The following ZNF704 variants were observed in gnomAD, a reference collection of about 807,000 sequenced individuals.
The protein encoded by ZNF704 is glucocorticoid induced gene 1.
In ZNF704, 10 loss-of-function variants were observed where a neutral mutation model predicts 44.7. The ratio of observed to expected loss-of-function variants is 0.22; its 90% CI spans 0.14 to 0.38. The LOEUF (loss-of-function observed/expected upper bound fraction) is 0.38. Among genes scored for constraint, ZNF704 ranks in the 10% least tolerant of loss-of-function variants. ZNF704 has a pLI of 1.00. For synonymous variants in ZNF704, 211 were observed against 207.6 expected (o/e 1.02, Z -0.14); for missense variants, 390 against 545.5 (o/e 0.71, Z 2.84).
intron 2 of ZNF704, among the ~76,000 whole-genome samples, chr8:80,813,029 C>T (rs1375089503): frequency 2.0e-5 from 3 of 152,306 alleles, no homozygotes; most frequent in East Asian, 3.9e-4. Flanking sequence ...TCTGCAGAGG[C>T]AACCTACGGC....
Position 80,640,602 on chromosome 8 carries a change from GA to G in ZNF704, c.*763del, listed in dbSNP as rs986254488. 4 of 152,192 alleles carry G rather than the reference GA, an allele frequency of 2.6e-5. No homozygotes were observed. The highest frequency in any genetic ancestry group is 9.7e-5 in the African/African-American group (4 of 41,438). 9.4% of individuals were successfully genotyped at this position (152,192 alleles called of 1,614,324 possible). A position where few individuals can be genotyped will look rare whatever the true frequency, so the allele number is the denominator to read the frequency against. On this transcript the variant is annotated 3_prime_UTR_variant, in exon 9 of 9. Coordinates refer to ENST00000327835, the MANE Select transcript of ZNF704 (RefSeq NM_001033723.3). ...AGAGTTAGCTGTGCTGCCTTTAGGG[GA>G]AGAGCTTCTTATGGATCCAAGGAAG...
chr8:80,769,826 C>T (rs1419890413), intron 2 of ZNF704, among the ~76,000 whole-genome samples: 2 of 152,166 alleles, frequency 1.3e-5, no homozygotes, highest in East Asian at 1.9e-4. Context: ...GGTATCTTTT[C>T]AGCAGTGCCC....
intron 6 of ZNF704, among the ~76,000 whole-genome samples, chr8:80,663,604 T>C (rs1021786489): frequency 2.6e-5 from 4 of 152,114 alleles, no homozygotes; most frequent in Non-Finnish European, 4.4e-5. Flanking sequence ...CACTGTTGAT[T>C]TGGGGAACAT....
intron 8 of ZNF704, 100 bp from the exon 9 acceptor site, chr8:80,641,577 A>G: frequency 9.1e-6 from 6 of 661,758 alleles, no homozygotes; most frequent in Non-Finnish European, 1.4e-5. Context: ...AGGAAAAAAA[A>G]AAAAAAAAGG....
intron 2 of ZNF704, among the ~76,000 whole-genome samples, chr8:80,727,270 T>G (rs1170380297): frequency 1.3e-5 from 2 of 152,148 alleles, no homozygotes; most frequent in Admixed American, 1.3e-4. Flanking sequence ...GGGCCAGACT[T>G]ACGATCGGCT....
intron 2 of ZNF704, among the ~76,000 whole-genome samples, chr8:80,729,450 G>A (rs1011572209): frequency 2.0e-5 from 3 of 152,110 alleles, no homozygotes; most frequent in Admixed American, 6.5e-5. Context: ...ACTGCCTGGC[G>A]TGCAGAAGGA....
intron 2 of ZNF704, among the ~76,000 whole-genome samples, chr8:80,716,286 G>A (rs982867438): frequency 4.6e-5 from 7 of 152,180 alleles, no homozygotes; most frequent in African/African-American, 1.7e-4. Flanking sequence ...AGGCCTTGGT[G>A]CTCACAGGTC....
At chr8:80,659,857 A>G (rs1415379147) in intron 6 of ZNF704, among the ~76,000 whole-genome samples, 168 bp from the exon 7 acceptor site, 3 of 152,208 alleles carry the variant, frequency 2.0e-5, no homozygotes, top group Admixed American at 2.0e-4. Context: ...GTAGCCAGAA[A>G]TAAACTTTGT....
At chr8:80,709,232 C>G (rs577561560) in intron 2 of ZNF704, among the ~76,000 whole-genome samples, 1 of 151,910 alleles carries the variant, frequency 6.6e-6, no homozygotes, top group East Asian at 1.9e-4. Flanking sequence ...ATCACGAGGT[C>G]AGGAGATCAA....
intron 1 of ZNF704, among the ~76,000 whole-genome samples, chr8:80,822,304 A>T (rs1808288843): frequency 7.7e-6 from 1 of 129,588 alleles, no homozygotes; most frequent in Admixed American, 7.9e-5. Context: ...CCGGTGTATG[A>T]TGTTCCCCAC....
intron 2 of ZNF704, among the ~76,000 whole-genome samples, chr8:80,712,183 G>A (rs1483115952): frequency 6.6e-6 from 1 of 152,156 alleles, no homozygotes; most frequent in Non-Finnish European, 1.5e-5. Flanking sequence ...TGAGGAAAAG[G>A]ACGAGTTTGG....
chr8:80,654,889 C>T (rs1563506784), intron 7 of ZNF704, among the ~76,000 whole-genome samples: 1 of 152,286 alleles, frequency 6.6e-6, no homozygotes, highest in African/African-American at 2.4e-5. Context: ...GACACATGCA[C>T]ACGTATGTTT....
rs144764433 is a variant in ZNF704 at position 80,682,010 on chromosome 8, T to A, written c.558+5216A>T. On this transcript the variant is annotated intron_variant, in intron 4 of 8. Coordinates refer to ENST00000327835, the MANE Select transcript of ZNF704 (RefSeq NM_001033723.3). ...GTATGTACCATCACCATGAAATCCA[T>A]GCAGTTGATCCAAGCTGCTGTTCTT... Among the ~76,000 whole-genome samples, 16 of 152,332 alleles carry A rather than the reference T, an allele frequency of 1.1e-4. No individual in the cohort carries two copies. The East Asian group carries it at 3.1e-3, about 29-fold the overall frequency.
intron 1 of ZNF704, among the ~76,000 whole-genome samples, chr8:80,842,564 T>C (rs1808699219): frequency 6.6e-6 from 1 of 152,036 alleles, no homozygotes; most frequent in South Asian, 2.1e-4. Context: ...CCAGCAGCAG[T>C]GAGAGACAGG....
rs1160787170 is a variant in ZNF704 at position 80,631,656 on chromosome 8, G to C, written c.*9710C>G. The C allele has an allele frequency of 6.6e-6, 1 of 152,232 alleles. No homozygotes were observed. Among genetic ancestry groups the C allele is most frequent in the African/African-American group, 2.4e-5 (1 of 41,466 alleles). 9.4% of individuals were successfully genotyped at this position (152,232 alleles called of 1,614,324 possible). On this transcript the variant is annotated 3_prime_UTR_variant, in exon 9 of 9. Transcript: ENST00000327835. Reference sequence around the variant, plus strand: ...GTTGGTGACTTGCACGGCGGGCTTTGAGGCACAGTGAAAGGATTAGCTATC... The same window carrying C: ...GTTGGTGACTTGCACGGCGGGCTTTCAGGCACAGTGAAAGGATTAGCTATC...
At chr8:80,790,923 G>A (rs1352331725) in intron 2 of ZNF704, among the ~76,000 whole-genome samples, 1 of 152,124 alleles carries the variant, frequency 6.6e-6, no homozygotes, top group Admixed American at 6.6e-5. Context: ...TGAAAACGGT[G>A]GAAGAAAATG....
intron 1 of ZNF704, among the ~76,000 whole-genome samples, chr8:80,831,408 C>G (rs989554654): frequency 3.9e-5 from 6 of 152,098 alleles, no homozygotes; most frequent in Non-Finnish European, 7.4e-5. Flanking sequence ...CAAAACTGTT[C>G]CTGGTGATCT....
At chr8:80,663,737 A>AT (rs1459791968) in intron 6 of ZNF704, among the ~76,000 whole-genome samples, 2 of 148,994 alleles carry the variant, frequency 1.3e-5, no homozygotes, top group South Asian at 2.1e-4. Flanking sequence ...CATTTTATTT[A>AT]TTTTTTTGAG....
chr8:80,742,766 A>G (rs531833746), intron 2 of ZNF704, among the ~76,000 whole-genome samples: 1 of 152,080 alleles, frequency 6.6e-6, no homozygotes, highest in Non-Finnish European at 1.5e-5. Flanking sequence ...GGACCCCTGC[A>G]TGACCCCTAC....
Sources: allele counts gnomAD v4.1 joint callset (sites outside exome capture counted in the v4.1 genomes callset), GRCh38; gene constraint gnomAD v4.1.1; transcripts MANE v1.5; gene names NCBI Gene and HGNC (gene_info 2026-07-23, HGNC 2026-07-21).